PGR: variants seen among roughly 807,000 people sequenced by gnomAD.
PGR encodes the protein nuclear receptor subfamily 3 group C member 3.
PGR carries 25 observed loss-of-function variants against 76.1 expected under a neutral mutation model. The ratio of observed to expected loss-of-function variants is 0.33; its 90% confidence interval spans 0.24 to 0.46. The LOEUF is 0.46. PGR is among the 20% of genes least tolerant of loss of function. The pLI is 1.00. For missense variants in PGR, 1,172 were observed against 1,225.3 expected (o/e 0.96, Z 0.65); for synonymous variants, 579 against 535.0 (o/e 1.08, Z -1.14).
intron 3 of PGR, 139 bp from the exon 4 acceptor site, chr11:101,062,891 G>C (rs1358651111): frequency 3.4e-6 from 2 of 591,776 alleles, no homozygotes; most frequent in Non-Finnish European, 5.7e-6. Flanking sequence ...AAAAGTGTTA[G>C]ATATTAAAAT....
rs775074026 is a variant in PGR at position 101,127,976 on chromosome 11, G to A, written c.1095C>T (p.Pro365=). Residue 365 remains proline, a synonymous_variant, in exon 1 of 8, where the codon CCC becomes CCT. Coordinates refer to ENST00000325455, the MANE Select transcript of PGR (RefSeq NM_000926.4). ...ACGCGTCGTCCTTGGGCTCGGCGTC[G>A]GGCGGGTACGCGCAGTCGGGGAAGT... ...VGDFPDCAYP[P]DAEPKDDAYP... 23 of 1,611,900 alleles carry A rather than the reference G, an allele frequency of 1.4e-5. No individual in the cohort carries two copies. Among genetic ancestry groups the A allele is most frequent in the Non-Finnish European group, 1.9e-5 (23 of 1,179,858 alleles).
intron 4 of PGR, 37 bp downstream of exon 4, chr11:101,062,410 T>C (rs750986355): frequency 2.5e-5 from 36 of 1,466,006 alleles, no homozygotes; most frequent in Non-Finnish European, 2.5e-5. Context: ...ACATAGTATA[T>C]TTTTTATTAC....
intron 2 of PGR, among the ~76,000 whole-genome samples, chr11:101,098,585 T>C (rs1861906862): frequency 6.6e-6 from 1 of 151,980 alleles, no homozygotes. Context: ...GAAAAAAAGG[T>C]AGGTAAATCT....
chr11:101,040,571 T>C (rs1859663567), intron 7 of PGR, among the ~76,000 whole-genome samples: 1 of 152,106 alleles, frequency 6.6e-6, no homozygotes, highest in Non-Finnish European at 1.5e-5. Context: ...CTGAAGGCAC[T>C]GCTCCACTGT....
At position 101,127,591 on chromosome 11, in the gene PGR, C is replaced by A. The variant is rs767987713; in HGVS notation, c.1480G>T (p.Gly494Cys). The change falls in exon 1 of 8, where the codon GGC becomes TGC. Residue 494 changes from glycine to cysteine, a missense_variant. Transcript: ENST00000325455. Reference sequence around the variant, plus strand: ...GCAGAGGCGGAGGTGGAGGGCAGGCCGTCCCGCGGGAGCAGGCAGCCGCTC... The same window carrying A: ...GCAGAGGCGGAGGTGGAGGGCAGGCAGTCCCGCGGGAGCAGGCAGCCGCTC... ...GASGCLLPRD[G>C]LPSTSASAAA... 6.1e-6 allele frequency: 8 copies of A among 1,311,034 alleles called. No homozygotes were observed. The East Asian group carries it at 9.4e-5, about 15-fold the overall frequency. The allele number at this position is 1,311,034 out of a possible 1,614,324, so 81.2% of individuals were successfully genotyped here.
chr11:101,091,145 G>A (rs1861663114), intron 3 of PGR, among the ~76,000 whole-genome samples: 1 of 152,120 alleles, frequency 6.6e-6, no homozygotes, highest in Non-Finnish European at 1.5e-5. Context: ...ACTCTGCTAT[G>A]TTTTCATTCA....
Position 101,032,026 on chromosome 11 carries a change from T to C in PGR, c.*7090A>G, listed in dbSNP as rs1162296517. ...GAGTGGTACAGATTGTTTGGACAGA[T>C]AGAATTCTGGGACTTGGGAAAACTA... is the stretch of plus-strand genomic sequence containing the variant. On this transcript the variant is annotated 3_prime_UTR_variant, in exon 8 of 8. Transcript: ENST00000325455. 1.7e-5 allele frequency: 4 copies of C among 232,650 alleles called. No individual in the cohort carries two copies. The highest frequency in any genetic ancestry group is 5.6e-5 in the Admixed American group (1 of 17,758). The allele number at this position is 232,650 out of a possible 1,614,324, so 14.4% of individuals were successfully genotyped here.
rs1366291582 is a variant in PGR, at chr11:101,035,916, A to T, written c.*3200T>A. On this transcript the variant is annotated 3_prime_UTR_variant, in exon 8 of 8. Transcript: ENST00000325455. Reference sequence around the variant, plus strand: ...AAAATTATAGCCAGAACTATGGCTTAATGAAAACAAAATAGTAGCAATTAC... The same window carrying T: ...AAAATTATAGCCAGAACTATGGCTTTATGAAAACAAAATAGTAGCAATTAC... 1 of 230,256 alleles carries T rather than the reference A, an allele frequency of 4.3e-6. No homozygotes were observed. Among genetic ancestry groups the T allele is most frequent in the Non-Finnish European group, 8.6e-6 (1 of 116,308 alleles). The allele number at this position is 230,256 out of a possible 1,614,324, so 14.3% of individuals were successfully genotyped here.
chr11:101,123,940 A>G (rs1862759927), intron 2 of PGR, among the ~76,000 whole-genome samples: 1 of 152,240 alleles, frequency 6.6e-6, no homozygotes, highest in African/African-American at 2.4e-5. Context: ...TACATACTTT[A>G]CAAGTATCAG....
rs1402730866 is a variant in PGR, at chr11:101,127,840, G to C, written c.1231C>G (p.Pro411Ala). The C allele has an allele frequency of 4.4e-6, 7 of 1,585,494 alleles. No individual in the cohort carries two copies. The highest frequency in any genetic ancestry group is 1.1e-5 in the South Asian group (1 of 89,598). Residue 411 changes from proline (P) to alanine (A), a missense_variant, in exon 1 of 8, where the codon CCC becomes GCC. Pro to Ala is a conservative substitution (Grantham distance 27). Transcript: ENST00000325455. ...AACGGGAAATCCGGGAAGGCTGCGG[G>C]GTTGGCACCGGCCACAAGGTAGGAA... ...PRSYLVAGAN[P>A]AAFPDFPLGP...
chr11:101,116,538 G>T (rs1032047028), intron 2 of PGR, among the ~76,000 whole-genome samples: 1 of 152,044 alleles, frequency 6.6e-6, no homozygotes, highest in African/African-American at 2.4e-5. Flanking sequence ...TCAGGAGTTC[G>T]AGACCAATCT....
At position 101,034,777 on chromosome 11, in the gene PGR, G is replaced by C; in HGVS notation, c.*4339C>G. 1 of 176,442 alleles carries C rather than the reference G, an allele frequency of 5.7e-6. No individual in the cohort carries two copies. The highest frequency in any genetic ancestry group is 1.2e-5 in the Non-Finnish European group (1 of 81,890). The allele number at this position is 176,442 out of a possible 1,614,324, so 10.9% of individuals were successfully genotyped here. On this transcript the variant is annotated 3_prime_UTR_variant, in exon 8 of 8. Coordinates refer to ENST00000325455, the MANE Select transcript of PGR (RefSeq NM_000926.4). ...TTATGGATGTTGACTAATCTGGCTTGGATTATATTTTATAATATGGGTGAA... is the reference window on the plus strand; with the variant it reads ...TTATGGATGTTGACTAATCTGGCTTCGATTATATTTTATAATATGGGTGAA...
At chr11:101,069,367 C>A (rs1420637784) in intron 3 of PGR, among the ~76,000 whole-genome samples, 1 of 152,170 alleles carries the variant, frequency 6.6e-6, no homozygotes, top group Non-Finnish European at 1.5e-5. Context: ...ACAACAGATG[C>A]TGGAGAGGAT....
chr11:101,053,825 C>A (rs1860192450), intron 4 of PGR, among the ~76,000 whole-genome samples: 2 of 151,248 alleles, frequency 1.3e-5, no homozygotes, highest in Non-Finnish European at 2.9e-5. Flanking sequence ...TTCCTCCCCT[C>A]CTTCCTTTCT....
chr11:101,089,027 A>G (rs779202151), intron 3 of PGR, among the ~76,000 whole-genome samples: 1 of 152,170 alleles, frequency 6.6e-6, no homozygotes, highest in Non-Finnish European at 1.5e-5. Context: ...CTACTAGAGG[A>G]GGAAGGAAGA....
chr11:101,082,910 G>T (rs1861357788), intron 3 of PGR, among the ~76,000 whole-genome samples: 1 of 152,352 alleles, frequency 6.6e-6, no homozygotes, highest in South Asian at 2.1e-4. Flanking sequence ...GCCTGCTGCA[G>T]AAATTTGCAT....
At chr11:101,079,400 A>G (rs919001348) in intron 3 of PGR, among the ~76,000 whole-genome samples, 1 of 151,206 alleles carries the variant, frequency 6.6e-6, no homozygotes, top group Non-Finnish European at 1.5e-5. Flanking sequence ...ATCAGAATAT[A>G]TAAGGAACTC....
chr11:101,127,374 C>CTGAGGGTTGGCGGCCGCT, intron 1 of PGR, 60 bp downstream of exon 1: 2 of 1,311,158 alleles, frequency 1.5e-6, no homozygotes, highest in Non-Finnish European at 2.0e-6. Flanking sequence ...TGGCGGCCGC[C>CTGAGGGTTGGCGGCCGCT]GCCGCCAACG....
chr11:101,069,991 CTTAAA>C (rs1167344813), intron 3 of PGR, among the ~76,000 whole-genome samples: 6 of 150,208 alleles, frequency 4.0e-5, no homozygotes, highest in East Asian at 2.0e-4. Flanking sequence ...TATCCCAGAA[CTTAAA>C]TTAAAAAAAA....
Sources: allele counts gnomAD v4.1 joint callset (sites outside exome capture counted in the v4.1 genomes callset), GRCh38; gene constraint gnomAD v4.1.1; transcripts MANE v1.5; gene names NCBI Gene and HGNC (gene_info 2026-07-23, HGNC 2026-07-21).